Variants in NCAM2 observed in about 807,000 individuals in gnomAD.
The protein encoded by NCAM2 is N-CAM-2.
A neutral mutation model predicts 98.1 loss-of-function variants in NCAM2; 30 were observed. The observed-to-expected ratio is 0.31, with a 90% CI of 0.23 to 0.41. The LOEUF (loss-of-function observed/expected upper bound fraction) is 0.41, where lower values mean the gene tolerates loss of function less well. Ranked by LOEUF, NCAM2 falls within the 10% of genes least tolerant of loss-of-function variation. NCAM2 has a pLI of 1.00. For missense variants in NCAM2, 867 were observed against 1,005.8 expected, an observed-to-expected ratio of 0.86 and a Z score of 1.87; for synonymous variants, 368 against 342.4, an observed-to-expected ratio of 1.07 and a Z score of -0.83.
chr21:21,464,721 T>C (rs531440717), intron 12 of NCAM2, among the ~76,000 whole-genome samples: 1 of 152,168 alleles, frequency 6.6e-6, no homozygotes, highest in East Asian at 1.9e-4. Context: ...CATTCCATAA[T>C]CTATATAAAC....
chr21:21,384,442 G>C (rs934900410), intron 9 of NCAM2, among the ~76,000 whole-genome samples: 6 of 151,754 alleles, frequency 4.0e-5, no homozygotes, highest in Non-Finnish European at 8.8e-5. Context: ...GATTCTTATA[G>C]TATTTCTTTA....
chr21:21,466,630 A>G lies in NCAM2; in HGVS notation c.1679A>G (p.Glu560Gly). 1 of 1,605,346 alleles carries G rather than the reference A, an allele frequency of 6.2e-7. No homozygotes were observed. Among genetic ancestry groups the G allele is most frequent in the Non-Finnish European group, 8.5e-7 (1 of 1,174,944 alleles). ...GCAATGGTTGTTTTGAACAACCTGG[A>G]ACCAAATACAACTTATGAAATCAGG... ...VQTMVVLNNL[E>G]PNTTYEIRVA... The change falls in exon 13 of 18, where the codon GAA (glutamate) becomes GGA (glycine). Residue 560 changes from glutamate (E) to glycine (G), a missense_variant. Coordinates refer to ENST00000400546, the MANE Select transcript of NCAM2 (RefSeq NM_004540.5).
At chr21:21,247,776 A>C (rs564240488) in intron 1 of NCAM2, among the ~76,000 whole-genome samples, 30 of 152,326 alleles carry the variant, frequency 2.0e-4, no homozygotes, top group African/African-American at 7.2e-4. Flanking sequence ...ATTTTATCAT[A>C]ATAGGAATCA....
chr21:21,280,449 T>A, intron 1 of NCAM2, 129 bp from the exon 2 acceptor site: 1 of 596,586 alleles, frequency 1.7e-6, no homozygotes, highest in Admixed American at 3.7e-5. Context: ...CTTTCATTTT[T>A]CTTTATAGGT....
intron 12 of NCAM2, among the ~76,000 whole-genome samples, chr21:21,456,396 T>G (rs1982149681): frequency 6.7e-6 from 1 of 150,002 alleles, no homozygotes; most frequent in Admixed American, 6.6e-5. Context: ...AATTTGCTCC[T>G]GTGAACTATA....
intron 1 of NCAM2, among the ~76,000 whole-genome samples, chr21:21,092,998 A>G (rs1408555197): frequency 1.8e-5 from 2 of 109,080 alleles, no homozygotes; most frequent in Non-Finnish European, 3.7e-5. Context: ...GAGTCTTTTT[A>G]AATTTTCTCA....
chr21:21,085,362 C>G (rs1835100476), intron 1 of NCAM2, among the ~76,000 whole-genome samples: 1 of 152,110 alleles, frequency 6.6e-6, no homozygotes, highest in Non-Finnish European at 1.5e-5. Flanking sequence ...CCTCCCTGCC[C>G]TTTCTGTCAT....
chr21:21,467,428 T>TATATATATATCTTTA (rs1555902035), intron 13 of NCAM2, among the ~76,000 whole-genome samples: 1,503 of 140,716 alleles, frequency 0.011, 37 homozygotes, highest in African/African-American at 0.04. Flanking sequence ...ATATATCTTT[T>TATATATATATCTTTA]TATATATATA....
chr21:21,113,341 A>G (rs2146534839), intron 1 of NCAM2, among the ~76,000 whole-genome samples: 1 of 152,326 alleles, frequency 6.6e-6, no homozygotes, highest in African/African-American at 2.4e-5. Flanking sequence ...GGAGGGGAAA[A>G]GCCAATTTCA....
At chr21:21,464,417 G>C (rs1238624292) in intron 12 of NCAM2, among the ~76,000 whole-genome samples, 1 of 151,940 alleles carries the variant, frequency 6.6e-6, no homozygotes, top group Non-Finnish European at 1.5e-5. Flanking sequence ...CTTTGCTTTT[G>C]CTTTTAAAAA....
chr21:21,442,449 C>T (rs1038921617), intron 12 of NCAM2, among the ~76,000 whole-genome samples: 1 of 152,048 alleles, frequency 6.6e-6, no homozygotes, highest in African/African-American at 2.4e-5. Context: ...TAAAAGTTGC[C>T]AAGATGGGAA....
chr21:21,326,184 A>G (rs926010617), intron 6 of NCAM2, among the ~76,000 whole-genome samples: 1 of 152,184 alleles, frequency 6.6e-6, no homozygotes, highest in Non-Finnish European at 1.5e-5. Flanking sequence ...TGATTGTTAC[A>G]GTGTTAGAAC....
At chr21:21,352,085 G>A (rs2075357542) in intron 8 of NCAM2, among the ~76,000 whole-genome samples, 1 of 151,274 alleles carries the variant, frequency 6.6e-6, no homozygotes, top group African/African-American at 2.4e-5. Context: ...TTGTTTTTTT[G>A]AGAAAGGGTC....
chr21:21,184,320 A>G (rs1215296843), intron 1 of NCAM2, among the ~76,000 whole-genome samples: 5 of 152,064 alleles, frequency 3.3e-5, no homozygotes, highest in Admixed American at 6.6e-5. Context: ...AAATAAAAAA[A>G]AAAAGAAAAG....
chr21:21,356,822 C>G (rs1445073256), intron 8 of NCAM2, among the ~76,000 whole-genome samples: 2 of 152,006 alleles, frequency 1.3e-5, no homozygotes, highest in East Asian at 1.9e-4. Flanking sequence ...GAAATCCCAT[C>G]TCTACTAAAA....
chr21:21,066,746 A>G (rs1391005185), intron 1 of NCAM2, among the ~76,000 whole-genome samples: 1 of 152,156 alleles, frequency 6.6e-6, no homozygotes. Flanking sequence ...TATTATAAAT[A>G]TATATACTTT....
At chr21:21,209,456 A>G (rs1271674591) in intron 1 of NCAM2, among the ~76,000 whole-genome samples, 1 of 152,066 alleles carries the variant, frequency 6.6e-6, no homozygotes, top group Admixed American at 6.6e-5. Context: ...TTGACCTCCC[A>G]AAGTGGTGGG....
chr21:21,448,625 A>C (rs1459204811), intron 12 of NCAM2, among the ~76,000 whole-genome samples: 1 of 152,046 alleles, frequency 6.6e-6, no homozygotes, highest in Non-Finnish European at 1.5e-5. Flanking sequence ...AAATTTTTCT[A>C]CTAGAGTATT....
chr21:21,114,117 A>AT (rs1164946376), intron 1 of NCAM2, among the ~76,000 whole-genome samples: 1 of 152,114 alleles, frequency 6.6e-6, no homozygotes, highest in African/African-American at 2.4e-5. Flanking sequence ...GAAAAAAATT[A>AT]TTTTCTACAG....
Sources: gnomAD v4.1 joint callset for allele counts (sites outside exome capture counted in the v4.1 genomes callset) on GRCh38, gnomAD v4.1.1 for gene constraint, MANE v1.5 for transcripts, NCBI Gene and HGNC (gene_info 2026-07-23, HGNC 2026-07-21) for gene names.